Variants in SPPL2A observed in about 807,000 individuals in gnomAD.
The protein encoded by SPPL2A is signal peptide peptidase like 2A, also known as signal peptide peptidase-like 2A.
A neutral mutation model predicts 63.8 loss-of-function variants in SPPL2A; 51 were observed. The observed-to-expected ratio is 0.80, with a 90% CI of 0.64 to 1.01. SPPL2A has a LOEUF of 1.01. Among genes scored for constraint, SPPL2A ranks in the 50% least tolerant of loss-of-function variants. SPPL2A has a pLI of 0.00. For synonymous variants in SPPL2A, 188 were observed against 205.8 expected (o/e 0.91, Z 0.74); for missense variants, 553 against 622.7 (o/e 0.89, Z 1.19).
Position 50,722,202 on chromosome 15 carries a change from C to G in SPPL2A, c.1250-1G>C. On this transcript the variant is annotated splice_acceptor_variant, in intron 12 of 14. Transcript: ENST00000261854. LOFTEE classifies it high-confidence loss of function. ...CTTCTACAGTATGCAATCAACAGGC[C>G]TTAAAAACAAAACAAAACATTATTT... 1 of 1,564,292 alleles carries G rather than the reference C, an allele frequency of 6.4e-7. No individual in the cohort carries two copies. The highest frequency in any genetic ancestry group is 1.1e-5 in the South Asian group (1 of 90,036).
At chr15:50,757,876 C>A (rs1387378985) in intron 1 of SPPL2A, among the ~76,000 whole-genome samples, 1 of 150,724 alleles carries the variant, frequency 6.6e-6, no homozygotes, top group African/African-American at 2.4e-5. Context: ...CCCAGCTACT[C>A]GGGAGGCTGA....
At chr15:50,731,078 TA>T (rs1206574401) in intron 9 of SPPL2A, 39 bp from the exon 10 acceptor site, 2 of 857,936 alleles carry the variant, frequency 2.3e-6, no homozygotes, top group African/African-American at 3.4e-5. Flanking sequence ...TCAATCTTCC[TA>T]AATGTAAATG....
intron 1 of SPPL2A, among the ~76,000 whole-genome samples, chr15:50,756,845 G>A (rs1171897178): frequency 6.6e-6 from 1 of 151,912 alleles, no homozygotes; most frequent in African/African-American, 2.4e-5. Context: ...ACTAGAACTG[G>A]GCTCTCTAAA....
At position 50,724,805 on chromosome 15, in the gene SPPL2A, T is replaced by C. The variant is rs75782862; in HGVS notation, c.1249+416A>G. On this transcript the variant is annotated intron_variant, in intron 12 of 14. Transcript: ENST00000261854. ...TATTACGCAGTCCTACAAGCTGGTG[T>C]TCTTCTATGTTTCTCCTCTTGATCA... 5.9e-3 allele frequency among the ~76,000 whole-genome samples: 903 copies of C among 152,332 alleles called. 15 individuals carry two copies. The highest frequency in any genetic ancestry group is 0.021 in the African/African-American group (868 of 41,566).
chr15:50,748,395 T>G (rs947059147), intron 3 of SPPL2A, among the ~76,000 whole-genome samples, 193 bp from the exon 4 acceptor site: 5 of 151,600 alleles, frequency 3.3e-5, no homozygotes, highest in Non-Finnish European at 7.4e-5. Flanking sequence ...TGCTATAATA[T>G]ATATAGCATT....
chr15:50,745,531 G>C (rs909831892), intron 5 of SPPL2A, among the ~76,000 whole-genome samples: 2 of 147,222 alleles, frequency 1.4e-5, no homozygotes, highest in East Asian at 4.0e-4. Flanking sequence ...TCCCAAAAAT[G>C]AGTCACTGCA....
At chr15:50,721,752 G>A (rs528979174) in intron 13 of SPPL2A, among the ~76,000 whole-genome samples, 11 of 151,970 alleles carry the variant, frequency 7.2e-5, no homozygotes, top group African/African-American at 1.9e-4. Flanking sequence ...CTACAGGTGC[G>A]TGCCACCACG....
chr15:50,736,014 A>G, intron 8 of SPPL2A, 87 bp downstream of exon 8: 2 of 854,056 alleles, frequency 2.3e-6, no homozygotes, highest in African/African-American at 1.7e-5. Flanking sequence ...GAAGCAAAAA[A>G]ATTCCATAAT....
intron 1 of SPPL2A, among the ~76,000 whole-genome samples, chr15:50,760,100 A>C (rs1416303082): frequency 6.6e-6 from 1 of 152,232 alleles, no homozygotes; most frequent in Non-Finnish European, 1.5e-5. Context: ...AAGTACCACA[A>C]ACTGGGTGGT....
At position 50,723,101 on chromosome 15, in the gene SPPL2A, C is replaced by A. The variant is rs143200265; in HGVS notation, c.1250-900G>T. On this transcript the variant is annotated intron_variant, in intron 12 of 14. Coordinates refer to ENST00000261854, the MANE Select transcript of SPPL2A (RefSeq NM_032802.4). ...ATCATCAGAAAAATGCAAATTAAAA[C>A]CACAATGAGATATCGCCTTACATAT... Among the ~76,000 whole-genome samples, 136 of 152,168 alleles carry A rather than the reference C, an allele frequency of 8.9e-4. 1 individual carries two copies. Among genetic ancestry groups the A allele is most frequent in the African/African-American group, 3.1e-3 (129 of 41,518 alleles).
At chr15:50,726,077 T>C in intron 11 of SPPL2A, 2 of 1,479,584 alleles carry the variant, frequency 1.4e-6, no homozygotes, top group Non-Finnish European at 9.0e-7. Context: ...CCTTACTTTC[T>C]CATGGGGAGC....
rs1440081261 is a variant in SPPL2A, at chr15:50,704,887, C to T, written c.*2913G>A. ...GCAAATTAGAACAAGATTTTACCTCCTTAATAACTAATGGTTAGATAAAGT... is the reference window on the plus strand; with the variant it reads ...GCAAATTAGAACAAGATTTTACCTCTTTAATAACTAATGGTTAGATAAAGT... On this transcript the variant is annotated 3_prime_UTR_variant, in exon 15 of 15. Coordinates refer to ENST00000261854, the MANE Select transcript of SPPL2A (RefSeq NM_032802.4). The T allele has an allele frequency of 6.6e-6, 1 of 152,078 alleles. No homozygotes were observed. Among genetic ancestry groups the T allele is most frequent in the Non-Finnish European group, 1.5e-5 (1 of 68,012 alleles). The allele number at this position is 152,078 out of a possible 1,614,324, so 9.4% of individuals were successfully genotyped here.
At chr15:50,755,627 C>CAAAAAAAAA (rs148415568) in intron 1 of SPPL2A, among the ~76,000 whole-genome samples, 11 of 49,532 alleles carry the variant, frequency 2.2e-4, no homozygotes, top group Non-Finnish European at 3.1e-4. Context: ...CACCCTGTCT[C>CAAAAAAAAA]AAAAAAAAAA....
rs1475799151 is a variant in SPPL2A at position 50,703,345 on chromosome 15, TACATATATATA to T, written c.*4444_*4454del. On this transcript the variant is annotated 3_prime_UTR_variant, in exon 15 of 15. Transcript: ENST00000261854. ...ATATACATATATATATATATATATATACATATATATATTTTTTTTTTTTTTTTTTTTTTTTG... is the reference window on the plus strand; with the variant it reads ...ATATACATATATATATATATATATATTTTTTTTTTTTTTTTTTTTTTTTTG... 28 of 87,198 alleles carry T rather than the reference TACATATATATA, an allele frequency of 3.2e-4. No homozygotes were observed. Among genetic ancestry groups the T allele is most frequent in the African/African-American group, 1.1e-3 (27 of 23,840 alleles). 5.4% of individuals were successfully genotyped at this position (87,198 alleles called of 1,614,324 possible). A position where few individuals can be genotyped will look rare whatever the true frequency, so the allele number is the denominator to read the frequency against.
At chr15:50,718,795 C>T (rs922987240) in intron 14 of SPPL2A, among the ~76,000 whole-genome samples, 2 of 152,100 alleles carry the variant, frequency 1.3e-5, no homozygotes, top group African/African-American at 4.8e-5. Flanking sequence ...AAAGACCAAG[C>T]ACAAGATGGA....
rs367778266 is a variant in SPPL2A at position 50,736,702 on chromosome 15, T to C, written c.772A>G (p.Met258Val). The part of the protein sequence containing the change: ...MIAIFCIASA[M>V]SLYNCLAALI... Reference sequence around the variant, plus strand: ...GCAGCAAGACAGTTGTACAGACTCATTGCTGATGCTATGCAGAAAATTGCT... The same window carrying C: ...GCAGCAAGACAGTTGTACAGACTCACTGCTGATGCTATGCAGAAAATTGCT... The change falls in exon 7 of 15, where the codon ATG becomes GTG. Residue 258 changes from methionine to valine, a missense_variant. Coordinates refer to ENST00000261854, the MANE Select transcript of SPPL2A (RefSeq NM_032802.4). The C allele has an allele frequency of 9.3e-6, 15 of 1,609,932 alleles. No homozygotes were observed. Among genetic ancestry groups the C allele is most frequent in the Non-Finnish European group, 1.3e-5 (15 of 1,176,802 alleles).
chr15:50,737,473 G>A (rs1019278076), intron 6 of SPPL2A, among the ~76,000 whole-genome samples: 4 of 151,712 alleles, frequency 2.6e-5, no homozygotes, highest in Non-Finnish European at 5.9e-5. Context: ...TTTTTTTTGA[G>A]ATGGAGTCTC....
intron 1 of SPPL2A, among the ~76,000 whole-genome samples, chr15:50,759,737 T>A (rs1400904133): frequency 6.6e-6 from 1 of 150,760 alleles, no homozygotes; most frequent in East Asian, 1.9e-4. Flanking sequence ...AACGAGACTC[T>A]GTCTCAAAAA....
intron 1 of SPPL2A, among the ~76,000 whole-genome samples, 158 bp downstream of exon 1, chr15:50,765,310 G>A (rs142821248): frequency 0.015 from 2,350 of 152,244 alleles, 40 homozygotes; most frequent in Non-Finnish European, 0.021. Context: ...AAAGAGATGA[G>A]TAATGGAAAG....
Sources: allele counts gnomAD v4.1 joint callset (sites outside exome capture counted in the v4.1 genomes callset), GRCh38; gene constraint gnomAD v4.1.1; transcripts MANE v1.5; gene names NCBI Gene and HGNC (gene_info 2026-07-23, HGNC 2026-07-21).